ANKS1B: variants seen among roughly 807,000 people sequenced by gnomAD.
ANKS1B encodes the protein ankyrin repeat and sterile alpha motif domain-containing protein 1B.
A neutral mutation model predicts 148.3 loss-of-function variants in ANKS1B; 36 were observed. That is an observed-to-expected ratio of 0.24 (90% CI 0.19 to 0.32). The LOEUF (loss-of-function observed/expected upper bound fraction) is 0.32, where lower values mean the gene tolerates loss of function less well. Among genes scored for constraint, ANKS1B ranks in the 10% least tolerant of loss-of-function variants. ANKS1B has a pLI of 1.00. For synonymous variants in ANKS1B, 542 were observed against 560.8 expected (o/e 0.97, Z 0.47); for missense variants, 1,157 against 1,542.6 (o/e 0.75, Z 4.19).
intron 9 of ANKS1B, among the ~76,000 whole-genome samples, chr12:99,523,785 C>A (rs530674717): frequency 1.3e-5 from 2 of 151,926 alleles, no homozygotes; most frequent in South Asian, 4.2e-4. Flanking sequence ...ATCTCCTAAC[C>A]TTGTGATCCA....
intron 8 of ANKS1B, among the ~76,000 whole-genome samples, chr12:99,763,192 T>C (rs1388331582): frequency 6.6e-6 from 1 of 152,134 alleles, no homozygotes; most frequent in Non-Finnish European, 1.5e-5. Context: ...CACATCCACG[T>C]ATGCTCATTG....
chr12:99,825,914 T>C (rs2083122300), intron 1 of ANKS1B, among the ~76,000 whole-genome samples: 1 of 152,182 alleles, frequency 6.6e-6, no homozygotes, highest in Non-Finnish European at 1.5e-5. Flanking sequence ...AATTGAAGAT[T>C]TGGACTGTTG....
At chr12:99,804,648 T>G (rs1373311582) in intron 4 of ANKS1B, among the ~76,000 whole-genome samples, 2 of 152,182 alleles carry the variant, frequency 1.3e-5, no homozygotes, top group Non-Finnish European at 2.9e-5. Context: ...ACCTGGAGTG[T>G]GTAATTATTT....
intron 14 of ANKS1B, among the ~76,000 whole-genome samples, chr12:99,176,941 CTT>C (rs1434006332): frequency 1.3e-5 from 2 of 152,160 alleles, no homozygotes; most frequent in African/African-American, 4.8e-5. Context: ...TCAGATGTTT[CTT>C]TATTGCAATG....
intron 10 of ANKS1B, among the ~76,000 whole-genome samples, chr12:99,469,209 A>G (rs1000657926): frequency 1.3e-5 from 2 of 148,158 alleles, no homozygotes; most frequent in Non-Finnish European, 3.0e-5. Flanking sequence ...CAAACACCAC[A>G]TGTTCTCACT....
chr12:99,655,016 C>T (rs916337229), intron 9 of ANKS1B, 51 bp downstream of exon 9: 2 of 1,522,214 alleles, frequency 1.3e-6, no homozygotes, highest in Non-Finnish European at 8.8e-7. Flanking sequence ...ATCTTAAAAA[C>T]ATAGGCAACC....
At chr12:99,843,633 A>C (rs2086134013) in intron 1 of ANKS1B, among the ~76,000 whole-genome samples, 1 of 152,110 alleles carries the variant, frequency 6.6e-6, no homozygotes, top group Admixed American at 6.6e-5. Flanking sequence ...TATATGTACC[A>C]TATTTTCTTT....
intron 12 of ANKS1B, among the ~76,000 whole-genome samples, chr12:99,317,533 A>T (rs1453173114): frequency 6.6e-6 from 1 of 152,196 alleles, no homozygotes; most frequent in East Asian, 1.9e-4. Flanking sequence ...GAGTTTGCTG[A>T]AGTTGCTTAT....
chr12:99,796,571 T>C (rs1340366571), intron 4 of ANKS1B, among the ~76,000 whole-genome samples: 3 of 151,806 alleles, frequency 2.0e-5, no homozygotes, highest in Admixed American at 6.6e-5. Context: ...GAGAAACATA[T>C]TAAAAACCTA....
intron 15 of ANKS1B, among the ~76,000 whole-genome samples, chr12:99,086,929 G>A (rs2052066519): frequency 6.6e-6 from 1 of 152,200 alleles, no homozygotes; most frequent in Non-Finnish European, 1.5e-5. Flanking sequence ...TTGAAAGGGT[G>A]ATTCTGGGGC....
At chr12:98,814,568 G>C (rs1298535237) in intron 19 of ANKS1B, among the ~76,000 whole-genome samples, 1 of 152,172 alleles carries the variant, frequency 6.6e-6, no homozygotes, top group Non-Finnish European at 1.5e-5. Flanking sequence ...GTAAAGGGCT[G>C]CCAGCTTGCC....
intron 10 of ANKS1B, among the ~76,000 whole-genome samples, chr12:99,486,279 T>C (rs1595725371): frequency 6.6e-6 from 1 of 152,070 alleles, no homozygotes; most frequent in African/African-American, 2.4e-5. Context: ...TAGTTCTTGG[T>C]ACTTTCAGGG....
At position 99,160,953 on chromosome 12, in the gene ANKS1B, G is replaced by C. The variant is rs1318860037; in HGVS notation, c.2420-6558C>G. Among the ~76,000 whole-genome samples the C allele has an allele frequency of 5.3e-5, 8 of 152,170 alleles. No homozygotes were observed. In the East Asian group the frequency reaches 1.5e-3, roughly 29 times the overall value. Reference sequence around the variant, plus strand: ...TTGTTTATTGTAGCCTTATAGCATAGTTTGAAGTCAGGGAATGCGATGCCT... The same window carrying C: ...TTGTTTATTGTAGCCTTATAGCATACTTTGAAGTCAGGGAATGCGATGCCT... On this transcript the variant is annotated intron_variant, in intron 14 of 26. Coordinates refer to ENST00000683438, the MANE Select transcript of ANKS1B (RefSeq NM_001352186.2).
chr12:99,206,411 C>A (rs912367826), intron 14 of ANKS1B, among the ~76,000 whole-genome samples: 2 of 151,942 alleles, frequency 1.3e-5, no homozygotes, highest in African/African-American at 4.8e-5. Context: ...TTAAGATGTG[C>A]ATATATCAAT....
In ANKS1B at chr12:99,461,207, A is replaced by T. The variant is rs372366345; in HGVS notation, c.1439-17398T>A. The stretch of plus-strand genomic sequence containing the variant: ...GAAAACCAAACATATGTTCTCACTC[A>T]TAAGTGGGAGCTATGCTATGAGGAT... On this transcript the variant is annotated intron_variant, in intron 10 of 26. Coordinates refer to ENST00000683438, the MANE Select transcript of ANKS1B (RefSeq NM_001352186.2). 2.4e-3 allele frequency among the ~76,000 whole-genome samples: 360 copies of T among 152,248 alleles called. 1 individual carries two copies. Among genetic ancestry groups the T allele is most frequent in the African/African-American group, 8.4e-3 (351 of 41,556 alleles).
intron 14 of ANKS1B, among the ~76,000 whole-genome samples, chr12:99,159,050 T>G (rs2076369072): frequency 6.6e-6 from 1 of 152,152 alleles, no homozygotes; most frequent in South Asian, 2.1e-4. Flanking sequence ...TGCCCTCGAC[T>G]GCTTACATAT....
At chr12:99,181,470 A>G (rs1457992894) in intron 14 of ANKS1B, among the ~76,000 whole-genome samples, 1 of 152,216 alleles carries the variant, frequency 6.6e-6, no homozygotes, top group East Asian at 1.9e-4. Context: ...ATTAGTGAAC[A>G]AAAGTATTTT....
chr12:99,700,664 A>G (rs1207855717), intron 8 of ANKS1B, among the ~76,000 whole-genome samples: 2 of 152,106 alleles, frequency 1.3e-5, no homozygotes, highest in Non-Finnish European at 2.9e-5. Flanking sequence ...GCATATCCCA[A>G]TTGCCAGCAT....
chr12:99,380,527 G>C (rs1246457017), intron 12 of ANKS1B, among the ~76,000 whole-genome samples: 1 of 152,124 alleles, frequency 6.6e-6, no homozygotes, highest in East Asian at 1.9e-4. Context: ...AGGCTAAAAA[G>C]AGTCAGTTGT....
Sources: gnomAD v4.1 joint callset for allele counts (sites outside exome capture counted in the v4.1 genomes callset) on GRCh38, gnomAD v4.1.1 for gene constraint, MANE v1.5 for transcripts, NCBI Gene and HGNC (gene_info 2026-07-23, HGNC 2026-07-21) for gene names.